PCDH15: variants seen among roughly 807,000 people sequenced by gnomAD.
PCDH15 encodes protocadherin-15.
In PCDH15, 129 loss-of-function variants were observed where a neutral mutation model predicts 178.5. That is an observed-to-expected ratio of 0.72 (90% CI 0.63 to 0.84). The LOEUF (loss-of-function observed/expected upper bound fraction) is 0.84, where lower values mean the gene tolerates loss of function less well. PCDH15 is among the 40% of genes least tolerant of loss of function. PCDH15 has a pLI of 0.00. For synonymous variants in PCDH15, 800 were observed against 732.0 expected (o/e 1.09, Z -1.50); for missense variants, 2,230 against 2,099.9 (o/e 1.06, Z -1.21).
At chr10:54,861,803 A>G (rs551927578) in intron 3 of PCDH15, among the ~76,000 whole-genome samples, 1 of 152,308 alleles carries the variant, frequency 6.6e-6, no homozygotes, top group Middle Eastern at 3.4e-3. Flanking sequence ...AACCCTAAAG[A>G]TTCCTCCAAA....
intron 2 of PCDH15, among the ~76,000 whole-genome samples, chr10:55,391,584 T>G (rs1384120445): frequency 6.6e-6 from 1 of 152,100 alleles, no homozygotes; most frequent in African/African-American, 2.4e-5. Flanking sequence ...CCTCCCAGAT[T>G]CAAGTGATTC....
At chr10:54,671,017 A>T (rs931527476) in intron 1 of PCDH15, among the ~76,000 whole-genome samples, 1 of 152,112 alleles carries the variant, frequency 6.6e-6, no homozygotes, top group African/African-American at 2.4e-5. Flanking sequence ...AGTCTTTTAG[A>T]TAAATACATT....
intron 3 of PCDH15, among the ~76,000 whole-genome samples, chr10:54,522,581 AC>A (rs921477773): frequency 6.6e-6 from 1 of 152,126 alleles, no homozygotes; most frequent in Non-Finnish European, 1.5e-5. Flanking sequence ...TGTTAATCAC[AC>A]CTTGGTTTCT....
At chr10:53,877,736 A>C (rs946986011) in intron 26 of PCDH15, among the ~76,000 whole-genome samples, 1 of 152,112 alleles carries the variant, frequency 6.6e-6, no homozygotes, top group Non-Finnish European at 1.5e-5. Context: ...ACTGTTCTAA[A>C]AAATTTCAGC....
intron 2 of PCDH15, among the ~76,000 whole-genome samples, chr10:54,648,733 CATA>C (rs1565847271): frequency 6.6e-6 from 1 of 152,112 alleles, no homozygotes; most frequent in African/African-American, 2.4e-5. Context: ...ACAGGTATTA[CATA>C]ATGCTTGCTA....
intron 2 of PCDH15, among the ~76,000 whole-genome samples, chr10:55,605,288 T>C (rs944632638): frequency 3.3e-5 from 5 of 152,156 alleles, no homozygotes; most frequent in East Asian, 1.9e-4. Context: ...CAGGACCAGA[T>C]GGATTCACAG....
chr10:54,655,277 AG>A (rs2094361326), intron 2 of PCDH15, among the ~76,000 whole-genome samples: 1 of 124,292 alleles, frequency 8.0e-6, no homozygotes, highest in African/African-American at 3.0e-5. Flanking sequence ...AGAGAGAGAG[AG>A]AGAGAGAGAG....
intron 15 of PCDH15, among the ~76,000 whole-genome samples, chr10:54,097,856 G>T (rs1247125867): frequency 1.3e-5 from 2 of 152,182 alleles, no homozygotes; most frequent in African/African-American, 2.4e-5. Flanking sequence ...CACCTCAGGA[G>T]GGGAGGGCAT....
chr10:54,777,132 T>A (rs371956200), intron 1 of PCDH15, among the ~76,000 whole-genome samples: 107 of 152,298 alleles, frequency 7.0e-4, no homozygotes, highest in African/African-American at 2.4e-3. Context: ...AATATGGGTA[T>A]TTACGATGAG....
At chr10:54,931,179 G>T (rs576874093) in intron 2 of PCDH15, among the ~76,000 whole-genome samples, 1 of 152,230 alleles carries the variant, frequency 6.6e-6, no homozygotes, top group African/African-American at 2.4e-5. Flanking sequence ...TGACAGTGAT[G>T]AGCTATATTA....
intron 2 of PCDH15, among the ~76,000 whole-genome samples, chr10:54,552,871 T>G (rs940586039): frequency 1.3e-5 from 2 of 152,148 alleles, no homozygotes; most frequent in African/African-American, 4.8e-5. Context: ...AACTTCACTG[T>G]TTTTTATTTT....
chr10:54,277,339 A>C (rs2058407496), intron 8 of PCDH15, among the ~76,000 whole-genome samples: 2 of 151,546 alleles, frequency 1.3e-5, no homozygotes, highest in Non-Finnish European at 3.0e-5. Flanking sequence ...AGCAACTATA[A>C]CTAAAGCTGA....
At chr10:55,586,574 A>G (rs908114883) in intron 2 of PCDH15, among the ~76,000 whole-genome samples, 7 of 152,168 alleles carry the variant, frequency 4.6e-5, no homozygotes, top group African/African-American at 1.7e-4. Flanking sequence ...GAAAATATAA[A>G]GCAGCATTAA....
At chr10:53,961,725 G>A (rs371661474) in intron 22 of PCDH15, 27 bp downstream of exon 22, 26 of 1,570,744 alleles carry the variant, frequency 1.7e-5, no homozygotes, top group Non-Finnish European at 2.1e-5. Flanking sequence ...ACATCAAATA[G>A]ACCACATAAT....
intron 2 of PCDH15, among the ~76,000 whole-genome samples, chr10:55,000,827 C>T (rs144482038): frequency 6.6e-6 from 1 of 152,186 alleles, no homozygotes. Flanking sequence ...CTGCACCTGT[C>T]CAGTCACAGT....
At chr10:55,044,384 A>T (rs766942358) in intron 2 of PCDH15, among the ~76,000 whole-genome samples, 1 of 152,106 alleles carries the variant, frequency 6.6e-6, no homozygotes, top group Non-Finnish European at 1.5e-5. Flanking sequence ...GTATTAGAAA[A>T]CCTAACGCAT....
At chr10:54,798,016 G>A (rs1293158847) in intron 1 of PCDH15, among the ~76,000 whole-genome samples, 2 of 152,026 alleles carry the variant, frequency 1.3e-5, no homozygotes, top group East Asian at 3.9e-4. Context: ...ATTAACATGT[G>A]CATTTGGAAT....
intron 2 of PCDH15, among the ~76,000 whole-genome samples, chr10:55,415,385 G>GA (rs1838454444): frequency 6.6e-6 from 1 of 151,464 alleles, no homozygotes; most frequent in African/African-American, 2.4e-5. Context: ...ATAATAAACA[G>GA]AAAATTGCCC....
intron 1 of PCDH15, among the ~76,000 whole-genome samples, chr10:54,749,143 A>G (rs1304623931): frequency 7.0e-6 from 1 of 142,894 alleles, no homozygotes; most frequent in Non-Finnish European, 1.6e-5. Context: ...ACTTAGCCTT[A>G]TAATTCCCAG....
Sources: gnomAD v4.1 joint callset for allele counts (sites outside exome capture counted in the v4.1 genomes callset) on GRCh38, gnomAD v4.1.1 for gene constraint, MANE v1.5 for transcripts, NCBI Gene and HGNC (gene_info 2026-07-23, HGNC 2026-07-21) for gene names.